The following MAP4K5 variants were observed in gnomAD, a reference collection of about 807,000 sequenced individuals.
The protein encoded by MAP4K5 is mitogen-activated protein kinase kinase kinase kinase 5, also known as MAPK/ERK kinase kinase kinase 5.
MAP4K5 carries 82 observed loss-of-function variants against 135.6 expected under a neutral mutation model. That is an observed-to-expected ratio of 0.60 (90% CI 0.51 to 0.73). The LOEUF (loss-of-function observed/expected upper bound fraction) is 0.73, where lower values mean the gene tolerates loss of function less well. MAP4K5 is among the 30% of genes least tolerant of loss of function. The probability of loss-of-function intolerance (pLI) is 0.00; values close to 1 mark genes in which losing one functional copy is unlikely to be tolerated. For missense variants in MAP4K5, 907 were observed against 1,010.9 expected (o/e 0.90, Z 1.39); for synonymous variants, 347 against 335.0 (o/e 1.04, Z -0.39).
intron 9 of MAP4K5, among the ~76,000 whole-genome samples, chr14:50,470,786 T>C (rs942169177): frequency 3.3e-5 from 5 of 152,116 alleles, no homozygotes; most frequent in Admixed American, 1.3e-4. Context: ...TTCCACTGAA[T>C]TGAATAAATG....
Position 50,528,854 on chromosome 14 carries a change from C to T in MAP4K5, c.108+3088G>A, listed in dbSNP as rs552579954. ...CCTAGGATGTTCAGCTCATCAGAAA[C>T]ACAGTGATAAATAGCAAAATTACTC... is the stretch of plus-strand genomic sequence containing the variant. On this transcript the variant is annotated intron_variant, in intron 2 of 32. Coordinates refer to ENST00000682126, the MANE Select transcript of MAP4K5 (RefSeq NM_006575.6). Among the ~76,000 whole-genome samples the T allele has an allele frequency of 1.3e-3, 204 of 152,240 alleles. 1 individual carries two copies. The highest frequency in any genetic ancestry group is 2.3e-3 in the Non-Finnish European group (158 of 67,998).
At chr14:50,525,776 G>A (rs61984298) in intron 2 of MAP4K5, among the ~76,000 whole-genome samples, 24,647 of 152,094 alleles carry the variant, frequency 0.16, 2,305 homozygotes, top group Non-Finnish European at 0.2. Flanking sequence ...CCTGGGAGGC[G>A]GAGGGTCTAG....
chr14:50,486,003 T>G (rs1028525833), intron 4 of MAP4K5, 101 bp downstream of exon 4: 4 of 625,064 alleles, frequency 6.4e-6, no homozygotes, highest in South Asian at 6.0e-5. Context: ...TTGCAGTGTT[T>G]AAAAACATAC....
At chr14:50,471,067 C>T (rs77026144) in intron 9 of MAP4K5, among the ~76,000 whole-genome samples, 5,678 of 151,992 alleles carry the variant, frequency 0.037, 160 homozygotes, top group Non-Finnish European at 0.055. Flanking sequence ...AGGTTTTTTA[C>T]ACAGGTAAAT....
intron 13 of MAP4K5, among the ~76,000 whole-genome samples, chr14:50,457,963 C>T (rs1471079195): frequency 6.6e-6 from 1 of 152,158 alleles, no homozygotes; most frequent in East Asian, 1.9e-4. Flanking sequence ...AACTGGTTAC[C>T]TTTGCGTTTA....
chr14:50,446,873 C>A (rs1457476244), intron 16 of MAP4K5, among the ~76,000 whole-genome samples: 1 of 152,186 alleles, frequency 6.6e-6, no homozygotes, highest in Non-Finnish European at 1.5e-5. Flanking sequence ...ATTTGAATTT[C>A]ATGTAATTTT....
At chr14:50,453,498 G>GTC (rs972001584) in intron 14 of MAP4K5, among the ~76,000 whole-genome samples, 76 of 152,118 alleles carry the variant, frequency 5.0e-4, no homozygotes, top group African/African-American at 1.6e-3. Flanking sequence ...ACTGAGAAAT[G>GTC]TCTCTCTCTC....
intron 32 of MAP4K5, among the ~76,000 whole-genome samples, chr14:50,422,756 A>G (rs1054150927): frequency 6.6e-6 from 1 of 152,180 alleles, no homozygotes; most frequent in African/African-American, 2.4e-5. Context: ...TTTCTAATAT[A>G]AAAGCAAATA....
chr14:50,428,022 G>A (rs575337516), intron 30 of MAP4K5, among the ~76,000 whole-genome samples: 3 of 152,210 alleles, frequency 2.0e-5, no homozygotes, highest in South Asian at 4.1e-4. Flanking sequence ...GCAGCAAAGG[G>A]AATAATGAAC....
chr14:50,433,279 G>GA (rs1414474469), intron 28 of MAP4K5, among the ~76,000 whole-genome samples: 1 of 152,234 alleles, frequency 6.6e-6, no homozygotes, highest in African/African-American at 2.4e-5. Flanking sequence ...CAGAGTGCAG[G>GA]TGGAGGTAGA....
At chr14:50,488,837 C>T (rs1048081361) in intron 3 of MAP4K5, among the ~76,000 whole-genome samples, 3 of 152,154 alleles carry the variant, frequency 2.0e-5, no homozygotes, top group Admixed American at 6.5e-5. Context: ...ATCTGCTTCA[C>T]TATTATATTA....
At chr14:50,431,603 C>A (rs111549889) in intron 28 of MAP4K5, among the ~76,000 whole-genome samples, 1 of 151,672 alleles carries the variant, frequency 6.6e-6, no homozygotes, top group Non-Finnish European at 1.5e-5. Context: ...TATGGCTGCA[C>A]AGTATTCCAT....
chr14:50,546,121 C>G (rs979060892), intron 1 of MAP4K5, among the ~76,000 whole-genome samples: 9 of 152,044 alleles, frequency 5.9e-5, no homozygotes, highest in African/African-American at 2.2e-4. Context: ...GTTAGAAACT[C>G]ATTTGAAACT....
chr14:50,487,545 T>C (rs2037391970), intron 3 of MAP4K5, among the ~76,000 whole-genome samples: 1 of 152,224 alleles, frequency 6.6e-6, no homozygotes, highest in African/African-American at 2.4e-5. Context: ...ACCTTTTATT[T>C]GTAACCTGGG....
At chr14:50,448,657 T>C in intron 15 of MAP4K5, 117 bp downstream of exon 15, 1 of 583,220 alleles carries the variant, frequency 1.7e-6, no homozygotes, top group Non-Finnish European at 2.9e-6. Flanking sequence ...GGAAAAATTG[T>C]CAAAATTAAT....
At chr14:50,429,080 A>G (rs898291899) in intron 29 of MAP4K5, 112 bp downstream of exon 29, 30 of 686,994 alleles carry the variant, frequency 4.4e-5, no homozygotes, top group Admixed American at 3.8e-4. Flanking sequence ...ATTACACATG[A>G]TAAGTAACAT....
intron 25 of MAP4K5, 150 bp from the exon 26 acceptor site, chr14:50,437,684 A>C: frequency 1.5e-6 from 1 of 660,292 alleles, no homozygotes; most frequent in Non-Finnish European, 2.6e-6. Flanking sequence ...AGGACTGAGG[A>C]AGGGCCTGAC....
At chr14:50,511,653 CTA>C (rs1415783720) in intron 2 of MAP4K5, among the ~76,000 whole-genome samples, 1 of 152,078 alleles carries the variant, frequency 6.6e-6, no homozygotes, top group Non-Finnish European at 1.5e-5. Context: ...CGAAACATCA[CTA>C]TGAGTCACTA....
intron 14 of MAP4K5, among the ~76,000 whole-genome samples, chr14:50,451,890 GACAATAT>G (rs2036495182): frequency 6.6e-6 from 1 of 152,120 alleles, no homozygotes; most frequent in South Asian, 2.1e-4. Context: ...AGATTTGTAA[GACAATAT>G]AGATGCTTCC....
Sources: gnomAD v4.1 joint callset for allele counts (sites outside exome capture counted in the v4.1 genomes callset) on GRCh38, gnomAD v4.1.1 for gene constraint, MANE v1.5 for transcripts, NCBI Gene and HGNC (gene_info 2026-07-23, HGNC 2026-07-21) for gene names.